Variants in CEP131 observed in about 807,000 individuals in gnomAD.
CEP131 encodes centrosomal protein of 131 kDa.
In CEP131, 99 loss-of-function variants were observed where a neutral mutation model predicts 136.8. The ratio of observed to expected loss-of-function variants is 0.72; its 90% CI spans 0.62 to 0.86. CEP131 has a LOEUF of 0.86. Among genes scored for constraint, CEP131 ranks in the 40% least tolerant of loss-of-function variants. The pLI is 0.00. For missense variants in CEP131, 1,459 were observed against 1,463.0 expected (o/e 1.00, Z 0.04); for synonymous variants, 646 against 612.7 (o/e 1.05, Z -0.80).
At chr17:81,209,059 A>C (rs1409536702) in intron 2 of CEP131, 37 bp from the exon 3 acceptor site, 1 of 1,465,312 alleles carries the variant, frequency 6.8e-7, no homozygotes, top group East Asian at 2.3e-5. Flanking sequence ...TATGCAGCAA[A>C]GGCTCACTCA....
Position 81,202,232 on chromosome 17 carries a change from T to G in CEP131, c.788+8A>C, listed in dbSNP as rs111492551. On this transcript the variant is annotated splice_region_variant and intron_variant, in intron 7 of 25. Coordinates refer to ENST00000450824, the MANE Select transcript of CEP131 (RefSeq NM_014984.4). ...CAGGCCCCCCCCCACCGCCCCAAGA[T>G]CGGTCACCTCTCAGCCTCCTCCTCC... is the stretch of plus-strand genomic sequence containing the variant. 6,932 of 1,300,306 alleles carry G rather than the reference T, an allele frequency of 5.3e-3. 179 individuals carry two copies. In the African/African-American group the frequency reaches 0.069, roughly 13 times the overall value. 80.5% of individuals were successfully genotyped at this position (1,300,306 alleles called of 1,614,324 possible).
intron 1 of CEP131, among the ~76,000 whole-genome samples, chr17:81,220,899 G>GA (rs901355101): frequency 1.3e-5 from 2 of 151,852 alleles, no homozygotes; most frequent in African/African-American, 4.8e-5. Flanking sequence ...AAGGCAGGCA[G>GA]ATTGCCTGAG....
At chr17:81,198,440 G>T (rs1278014715) in intron 11 of CEP131, 143 bp from the exon 12 acceptor site, 1 of 876,956 alleles carries the variant, frequency 1.1e-6, no homozygotes. Context: ...TGAGGCCAGG[G>T]CTCAGACCTT....
rs895159150 is a variant in CEP131 at position 81,207,439 on chromosome 17, CCATCAGAAGCTT to C, written c.273-212_273-201del. ...GGAGCTGGGCGTTCAGGGTGAGCTT[CCATCAGAAGCTT>C]CATCAGTCACACCGATCACAGTTTC... On this transcript the variant is annotated intron_variant, in intron 3 of 25. Coordinates refer to ENST00000450824, the MANE Select transcript of CEP131 (RefSeq NM_014984.4). Among the ~76,000 whole-genome samples, 88 of 152,098 alleles carry C rather than the reference CCATCAGAAGCTT, an allele frequency of 5.8e-4. 1 individual carries two copies. In the Middle Eastern group the frequency reaches 0.02, roughly 35 times the overall value.
intron 2 of CEP131, among the ~76,000 whole-genome samples, chr17:81,210,166 C>T (rs927955757): frequency 2.7e-5 from 4 of 150,824 alleles, no homozygotes; most frequent in Admixed American, 2.0e-4. Context: ...CCTTACGCTA[C>T]GCTCCCTGAC....
chr17:81,195,032 C>T, intron 16 of CEP131, 60 bp from the exon 17 acceptor site: 1 of 1,332,482 alleles, frequency 7.5e-7, no homozygotes, highest in Non-Finnish European at 1.1e-6. Flanking sequence ...CCTTTGCCAC[C>T]CTGTGGGCAC....
chr17:81,221,978 G>T (rs1317070348), intron 1 of CEP131, among the ~76,000 whole-genome samples: 1 of 152,132 alleles, frequency 6.6e-6, no homozygotes, highest in Non-Finnish European at 1.5e-5. Context: ...CTCCCTAGAG[G>T]CTGACCCTGC....
chr17:81,194,817 T>A, intron 17 of CEP131, 53 bp downstream of exon 17: 1 of 1,447,880 alleles, frequency 6.9e-7, no homozygotes, highest in Non-Finnish European at 9.7e-7. Flanking sequence ...AAAGAAGCCC[T>A]GGCCGCAGCA....
At chr17:81,222,579 C>T (rs969640230) in intron 1 of CEP131, among the ~76,000 whole-genome samples, 190 bp downstream of exon 1, 39 of 151,810 alleles carry the variant, frequency 2.6e-4, no homozygotes, top group South Asian at 8.3e-4. Context: ...CTGTGCGCAC[C>T]CTGGATCCCC....
intron 6 of CEP131, among the ~76,000 whole-genome samples, chr17:81,202,856 C>T (rs1223571289): frequency 1.3e-5 from 2 of 151,868 alleles, no homozygotes; most frequent in African/African-American, 2.4e-5. Flanking sequence ...CCCAGCTACA[C>T]GGGAGGCTGA....
At chr17:81,209,381 C>T (rs1005261782) in intron 2 of CEP131, among the ~76,000 whole-genome samples, 5 of 152,356 alleles carry the variant, frequency 3.3e-5, no homozygotes, top group African/African-American at 1.2e-4. Flanking sequence ...GACCCTTCAC[C>T]CCGCGGTCTC....
intron 16 of CEP131, 26 bp from the exon 17 acceptor site, chr17:81,194,998 A>AACG: frequency 1.3e-6 from 2 of 1,579,118 alleles, no homozygotes; most frequent in Non-Finnish European, 1.7e-6. Flanking sequence ...GGCAGGAGGA[A>AACG]ACGACACGAA....
intron 2 of CEP131, among the ~76,000 whole-genome samples, chr17:81,210,853 GA>G (rs2062117002): frequency 6.7e-6 from 1 of 148,516 alleles, no homozygotes; most frequent in Non-Finnish European, 1.5e-5. Flanking sequence ...AAGGCTCCAG[GA>G]AAGCAGCCAC....
chr17:81,192,834 C>G lies in CEP131; in HGVS notation c.2331G>C (p.Gln777His). The change falls in exon 19 of 26, where the codon CAG (glutamine) becomes CAC (histidine). Residue 777 changes from glutamine to histidine, a missense_variant. Around this residue, in one of 3 missense-constraint regions of CEP131, gnomAD observed 1,026 missense variants for 964.2 expected, o/e 1.06. Transcript: ENST00000450824. ...GCGCCCACTGCTCCTGCTCCAGGTGCTGCTGGAACCTGCGGGACGGTCAGG... is the reference window on the plus strand; with the variant it reads ...GCGCCCACTGCTCCTGCTCCAGGTGGTGCTGGAACCTGCGGGACGGTCAGG... ...ERERARQRFQ[Q>H]HLEQEQWALQ... The G allele has an allele frequency of 1.9e-6, 3 of 1,597,692 alleles. No homozygotes were observed. Among genetic ancestry groups the G allele is most frequent in the Non-Finnish European group, 2.5e-6 (3 of 1,179,198 alleles).
intron 18 of CEP131, among the ~76,000 whole-genome samples, chr17:81,193,246 G>A (rs1003332651): frequency 6.6e-6 from 1 of 152,128 alleles, no homozygotes; most frequent in African/African-American, 2.4e-5. Flanking sequence ...AGGGTGCCAG[G>A]TGCCTGGCTC....
intron 6 of CEP131, 129 bp from the exon 7 acceptor site, chr17:81,202,527 G>C: frequency 9.2e-7 from 1 of 1,087,816 alleles, no homozygotes; most frequent in South Asian, 1.6e-5. Flanking sequence ...CTGGCAGCCG[G>C]GGCAGAGGGG....
chr17:81,197,479 T>C, intron 13 of CEP131: 2 of 621,594 alleles, frequency 3.2e-6, no homozygotes, highest in South Asian at 2.0e-5. Context: ...GTATGGGGAA[T>C]GCGGGCCCTG....
chr17:81,200,457 A>G lies in CEP131; in HGVS notation c.789-11T>C. On this transcript the variant is annotated splice_polypyrimidine_tract_variant and intron_variant, in intron 7 of 25. Coordinates refer to ENST00000450824, the MANE Select transcript of CEP131 (RefSeq NM_014984.4). ...ACCTGGTGGATAAACCTGCCCGGAG[A>G]GCAGGACTCAGGGCCAAGACAGGAC... is the stretch of plus-strand genomic sequence containing the variant. The G allele has an allele frequency of 1.3e-6, 2 of 1,534,952 alleles. No homozygotes were observed. The highest frequency in any genetic ancestry group is 1.8e-6 in the Non-Finnish European group (2 of 1,134,500).
chr17:81,196,854 C>T (rs376636444), intron 14 of CEP131, 28 bp from the exon 15 acceptor site: 11 of 1,598,966 alleles, frequency 6.9e-6, no homozygotes, highest in East Asian at 6.8e-5. Context: ...AGGAGGGAAG[C>T]GCTAGGACCG....
Sources: allele counts gnomAD v4.1 joint callset (sites outside exome capture counted in the v4.1 genomes callset), GRCh38; gene constraint gnomAD v4.1.1; regional missense constraint gnomAD v4.1.1; transcripts MANE v1.5; gene names NCBI Gene and HGNC (gene_info 2026-07-23, HGNC 2026-07-21).